Variants in PHACTR1 observed in about 807,000 individuals in gnomAD.
PHACTR1 encodes the protein RPEL repeat containing 1.
A neutral mutation model predicts 69.2 loss-of-function variants in PHACTR1; 16 were observed. That is an observed-to-expected ratio of 0.23 (90% CI 0.16 to 0.35). The LOEUF (loss-of-function observed/expected upper bound fraction) is 0.35, where lower values mean the gene tolerates loss of function less well. PHACTR1 is among the 10% of genes least tolerant of loss of function. The pLI, the probability that PHACTR1 is intolerant of heterozygous loss-of-function variation, is 1.00. For missense variants in PHACTR1, 510 were observed against 734.7 expected, an observed-to-expected ratio of 0.69 and a Z score of 3.54; for synonymous variants, 312 against 284.5, an observed-to-expected ratio of 1.10 and a Z score of -0.97.
At chr6:13,131,208 TACACACACACACAC>T (rs56329629) in intron 5 of PHACTR1, among the ~76,000 whole-genome samples, 3,126 of 146,418 alleles carry the variant, frequency 0.021, 59 homozygotes, top group Non-Finnish European at 0.031. Context: ...TATATACACA[TACACACACACACAC>T]ACACACACAC....
At chr6:13,106,233 A>C (rs1449681543) in intron 5 of PHACTR1, among the ~76,000 whole-genome samples, 1 of 152,202 alleles carries the variant, frequency 6.6e-6, no homozygotes, top group Non-Finnish European at 1.5e-5. Flanking sequence ...ATTGCCTGCA[A>C]ATAAATATTT....
Position 12,969,911 on chromosome 6 carries a change from C to T in PHACTR1, c.251-83454C>T, listed in dbSNP as rs555919594. Among the ~76,000 whole-genome samples the T allele has an allele frequency of 3.9e-5, 6 of 152,164 alleles. No homozygotes were observed. In the East Asian group the frequency reaches 5.8e-4, roughly 15 times the overall value. On this transcript the variant is annotated intron_variant, in intron 4 of 14. Coordinates refer to ENST00000332995, the MANE Select transcript of PHACTR1 (RefSeq NM_030948.6). Reference sequence around the variant, plus strand: ...CCAGGAGGTGGAGGTTGCAGTGAGCCGAGATCATGCCACTGCACTCCAGCC... The same window carrying T: ...CCAGGAGGTGGAGGTTGCAGTGAGCTGAGATCATGCCACTGCACTCCAGCC...
intron 4 of PHACTR1, among the ~76,000 whole-genome samples, chr6:12,869,735 A>G (rs960715894): frequency 2.0e-5 from 3 of 152,200 alleles, no homozygotes; most frequent in African/African-American, 4.8e-5. Context: ...TTTGGATCAG[A>G]ATTTCTCTAT....
chr6:13,060,205 A>G (rs888180662), intron 5 of PHACTR1, among the ~76,000 whole-genome samples: 3 of 152,206 alleles, frequency 2.0e-5, no homozygotes, highest in Non-Finnish European at 4.4e-5. Context: ...TAGTGGCTCC[A>G]CTCAACTAGA....
intron 5 of PHACTR1, among the ~76,000 whole-genome samples, chr6:13,147,354 G>A (rs903713293): frequency 2.0e-5 from 3 of 152,190 alleles, no homozygotes; most frequent in African/African-American, 7.2e-5. Context: ...AGAATATGCA[G>A]CCTGGTCCTT....
At chr6:12,804,149 C>T (rs1196819763) in intron 4 of PHACTR1, among the ~76,000 whole-genome samples, 1 of 152,174 alleles carries the variant, frequency 6.6e-6, no homozygotes, top group African/African-American at 2.4e-5. Flanking sequence ...TTATCTGGTA[C>T]CATCTTGTGG....
chr6:12,908,205 C>T (rs1347700295), intron 4 of PHACTR1, among the ~76,000 whole-genome samples: 1 of 152,222 alleles, frequency 6.6e-6, no homozygotes. Context: ...AATCCTTTCT[C>T]ATAGGACAAC....
At chr6:13,254,890 T>C (rs541094368) in intron 10 of PHACTR1, among the ~76,000 whole-genome samples, 2 of 152,312 alleles carry the variant, frequency 1.3e-5, no homozygotes, top group African/African-American at 4.8e-5. Flanking sequence ...GAAATTCTTA[T>C]ATGCAACAAG....
intron 4 of PHACTR1, among the ~76,000 whole-genome samples, chr6:12,819,718 G>A (rs752131510): frequency 6.6e-6 from 1 of 152,138 alleles, no homozygotes; most frequent in Admixed American, 6.5e-5. Flanking sequence ...GCCTCAAAAA[G>A]GCCATGTCCA....
chr6:13,284,595 T>TATAC, intron 13 of PHACTR1, among the ~76,000 whole-genome samples: 1 of 132,752 alleles, frequency 7.5e-6, no homozygotes, highest in East Asian at 2.2e-4. Flanking sequence ...TATATATATA[T>TATAC]ACTGGAATAA....
chr6:13,136,145 T>A (rs1339315464), intron 5 of PHACTR1, among the ~76,000 whole-genome samples: 4 of 151,952 alleles, frequency 2.6e-5, no homozygotes, highest in Non-Finnish European at 5.9e-5. Flanking sequence ...GAATTTTCCA[T>A]CATGTTTTTT....
chr6:12,917,271 A>T (rs1395781473), intron 4 of PHACTR1, among the ~76,000 whole-genome samples: 1 of 152,244 alleles, frequency 6.6e-6, no homozygotes, highest in Non-Finnish European at 1.5e-5. Flanking sequence ...AAGTTGTCAC[A>T]AGACTTGTAG....
intron 4 of PHACTR1, among the ~76,000 whole-genome samples, chr6:12,882,156 C>T (rs1783166167): frequency 6.6e-6 from 1 of 152,060 alleles, no homozygotes; most frequent in African/African-American, 2.4e-5. Context: ...CTACTACCCA[C>T]CTATTGCCCA....
At chr6:12,767,227 A>T (rs1768746180) in intron 4 of PHACTR1, among the ~76,000 whole-genome samples, 2 of 152,230 alleles carry the variant, frequency 1.3e-5, no homozygotes, top group African/African-American at 4.8e-5. Flanking sequence ...AGTCATTTGA[A>T]GTGCCCCCAC....
intron 5 of PHACTR1, among the ~76,000 whole-genome samples, chr6:13,139,835 GA>G (rs762442788): frequency 3.0e-3 from 444 of 148,030 alleles, no homozygotes; most frequent in Middle Eastern, 0.01. Context: ...TCCTTTTCTG[GA>G]AAAAAAAAAT....
chr6:13,286,341 T>G, intron 14 of PHACTR1, 119 bp downstream of exon 14: 1 of 789,086 alleles, frequency 1.3e-6, no homozygotes. Context: ...AGAGGGAAGA[T>G]AGTAGGAAGG....
chr6:12,785,039 A>G (rs1771370244), intron 4 of PHACTR1, among the ~76,000 whole-genome samples: 1 of 151,830 alleles, frequency 6.6e-6, no homozygotes, highest in African/African-American at 2.4e-5. Flanking sequence ...ATATTTATAC[A>G]TATATATCTA....
chr6:12,930,388 T>C (rs1277447710), intron 4 of PHACTR1, among the ~76,000 whole-genome samples: 1 of 152,122 alleles, frequency 6.6e-6, no homozygotes, highest in East Asian at 1.9e-4. Flanking sequence ...TGGGGATACA[T>C]GGAAAGAAAG....
rs544962392 is a variant in PHACTR1 at position 13,063,417 on chromosome 6, G to C, written c.415+9888G>C. On this transcript the variant is annotated intron_variant, in intron 5 of 14. Transcript: ENST00000332995. ...CAATGCATGTGAGGAAATCTCTCCT[G>C]GTGGGCAGAACAGAATGTAGGAGAG... 9.9e-5 allele frequency among the ~76,000 whole-genome samples: 15 copies of C among 152,228 alleles called. No individual in the cohort carries two copies. In the East Asian group the frequency reaches 2.5e-3, roughly 25 times the overall value.
Sources: allele counts gnomAD v4.1 joint callset (sites outside exome capture counted in the v4.1 genomes callset), GRCh38; gene constraint gnomAD v4.1.1; transcripts MANE v1.5; gene names NCBI Gene and HGNC (gene_info 2026-07-23, HGNC 2026-07-21).